The following GRID2 variants were observed in gnomAD, a reference collection of about 807,000 sequenced individuals.
GRID2 encodes the protein glutamate receptor ionotropic, delta-2.
GRID2 carries 33 observed loss-of-function variants against 114.8 expected under a neutral mutation model. The observed-to-expected ratio is 0.29, with a 90% CI of 0.22 to 0.38. The LOEUF (loss-of-function observed/expected upper bound fraction) is 0.38. GRID2 is among the 10% of genes least tolerant of loss of function. GRID2 has a pLI of 1.00. For synonymous variants in GRID2, 505 were observed against 449.9 expected, an observed-to-expected ratio of 1.12 and a Z score of -1.55; for missense variants, 1,184 against 1,257.7, an observed-to-expected ratio of 0.94 and a Z score of 0.89.
intron 2 of GRID2, among the ~76,000 whole-genome samples, chr4:92,663,568 AT>A (rs1732623493): frequency 6.6e-6 from 1 of 151,176 alleles, no homozygotes; most frequent in South Asian, 2.1e-4. Flanking sequence ...GGAAGCATCA[AT>A]TTCACAAACA....
At chr4:92,495,778 G>C (rs1213983410) in intron 1 of GRID2, among the ~76,000 whole-genome samples, 1 of 151,812 alleles carries the variant, frequency 6.6e-6, no homozygotes, top group East Asian at 1.9e-4. Flanking sequence ...AATTGTGTAG[G>C]GTGGTCATTT....
At chr4:92,341,530 T>A (rs546954120) in intron 1 of GRID2, among the ~76,000 whole-genome samples, 11 of 152,078 alleles carry the variant, frequency 7.2e-5, no homozygotes, top group Non-Finnish European at 1.5e-4. Flanking sequence ...CACTCAATAA[T>A]AAATGTGATG....
chr4:92,949,802 T>C (rs1433224154), intron 2 of GRID2, among the ~76,000 whole-genome samples: 1 of 151,912 alleles, frequency 6.6e-6, no homozygotes, highest in Non-Finnish European at 1.5e-5. Context: ...AGGCATGTTT[T>C]TCTGTGTCCA....
chr4:93,421,115 C>T (rs1217718724), intron 9 of GRID2, among the ~76,000 whole-genome samples: 1 of 152,182 alleles, frequency 6.6e-6, no homozygotes, highest in African/African-American at 2.4e-5. Flanking sequence ...ATAGACTTCT[C>T]TCCTTTCTCT....
At chr4:92,957,456 A>G (rs1212971929) in intron 2 of GRID2, among the ~76,000 whole-genome samples, 3 of 151,958 alleles carry the variant, frequency 2.0e-5, no homozygotes, top group South Asian at 4.1e-4. Context: ...AAAGATTGGT[A>G]TACTGTACTT....
At chr4:92,933,905 C>A (rs540542617) in intron 2 of GRID2, among the ~76,000 whole-genome samples, 1 of 151,524 alleles carries the variant, frequency 6.6e-6, no homozygotes, top group Non-Finnish European at 1.5e-5. Context: ...GGAGGAATAT[C>A]TGAAAGTAGA....
intron 12 of GRID2, among the ~76,000 whole-genome samples, chr4:93,503,232 C>T (rs1168506084): frequency 6.6e-6 from 1 of 152,008 alleles, no homozygotes; most frequent in African/African-American, 2.4e-5. Flanking sequence ...CTGGAGTTGG[C>T]AGGCAGAGCT....
At chr4:92,654,776 G>T (rs62309204) in intron 2 of GRID2, among the ~76,000 whole-genome samples, 9,290 of 151,900 alleles carry the variant, frequency 0.061, 364 homozygotes, top group East Asian at 0.16. Flanking sequence ...TGAAGTGTTT[G>T]AACTCCTTAT....
intron 2 of GRID2, among the ~76,000 whole-genome samples, chr4:92,609,301 A>G (rs1393487328): frequency 6.6e-6 from 1 of 151,686 alleles, no homozygotes; most frequent in Non-Finnish European, 1.5e-5. Context: ...ATATTTATCG[A>G]GTGTCTATGT....
At chr4:92,981,250 A>G (rs1195775676) in intron 2 of GRID2, among the ~76,000 whole-genome samples, 28 of 152,066 alleles carry the variant, frequency 1.8e-4, no homozygotes, top group Non-Finnish European at 1.5e-5. Flanking sequence ...GACAGTCCCA[A>G]TAGAATAATA....
intron 2 of GRID2, among the ~76,000 whole-genome samples, chr4:92,819,411 G>A (rs1159058772): frequency 6.6e-6 from 1 of 152,072 alleles, no homozygotes; most frequent in Non-Finnish European, 1.5e-5. Context: ...GCACATGTAT[G>A]GGGGCGGCAT....
At chr4:93,785,069 T>G (rs2110354025) in intron 1 of GRID2, among the ~76,000 whole-genome samples, 1 of 152,306 alleles carries the variant, frequency 6.6e-6, no homozygotes, top group Admixed American at 6.5e-5. Flanking sequence ...AAAGATCTCA[T>G]CCAAGTCACC....
At chr4:92,491,628 T>C (rs571854784) in intron 1 of GRID2, among the ~76,000 whole-genome samples, 5 of 152,244 alleles carry the variant, frequency 3.3e-5, no homozygotes, top group African/African-American at 9.6e-5. Flanking sequence ...TTCACATTTG[T>C]CTTGTATATG....
intron 13 of GRID2, among the ~76,000 whole-genome samples, chr4:93,530,034 A>G (rs1449044701): frequency 6.6e-6 from 1 of 152,070 alleles, no homozygotes; most frequent in Non-Finnish European, 1.5e-5. Context: ...CATTGCCTTC[A>G]TCTTTGTTAC....
intron 2 of GRID2, among the ~76,000 whole-genome samples, chr4:92,880,385 A>C (rs1745921077): frequency 6.6e-6 from 1 of 152,146 alleles, no homozygotes; most frequent in South Asian, 2.1e-4. Flanking sequence ...CTAGTCCATA[A>C]TATTTTTTTT....
At chr4:93,001,380 C>A (rs1720963579) in intron 2 of GRID2, among the ~76,000 whole-genome samples, 1 of 151,462 alleles carries the variant, frequency 6.6e-6, no homozygotes. Context: ...GAGAGAGGAA[C>A]CAAGTGTCAC....
chr4:92,577,981 G>A (rs1727978551), intron 1 of GRID2, among the ~76,000 whole-genome samples: 1 of 151,942 alleles, frequency 6.6e-6, no homozygotes, highest in Non-Finnish European at 1.5e-5. Context: ...ATTAAATGGT[G>A]TTTTTTCCAA....
At chr4:93,513,664 G>A (rs1475533802) in intron 12 of GRID2, among the ~76,000 whole-genome samples, 2 of 152,138 alleles carry the variant, frequency 1.3e-5, no homozygotes, top group Non-Finnish European at 2.9e-5. Flanking sequence ...TGCAACAGAT[G>A]TGTAGAGCAA....
intron 1 of GRID2, among the ~76,000 whole-genome samples, chr4:92,474,180 C>T (rs372797250): frequency 5.3e-5 from 8 of 151,978 alleles, no homozygotes; most frequent in East Asian, 3.9e-4. Flanking sequence ...CCATTTCCTA[C>T]CCTCCTATCT....
Sources: allele counts gnomAD v4.1 joint callset (sites outside exome capture counted in the v4.1 genomes callset), GRCh38; gene constraint gnomAD v4.1.1; transcripts MANE v1.5; gene names NCBI Gene and HGNC (gene_info 2026-07-23, HGNC 2026-07-21).